The following AGBL4 variants were observed in gnomAD, a reference collection of about 807,000 sequenced individuals.
AGBL4 encodes the protein cytosolic carboxypeptidase 6.
Under a neutral mutation model 66.4 loss-of-function variants are expected in AGBL4, and 58 were observed. That is an observed-to-expected ratio of 0.87 (90% CI 0.71 to 1.09). The LOEUF (loss-of-function observed/expected upper bound fraction) is 1.09, where lower values mean the gene tolerates loss of function less well. AGBL4 is among the 50% of genes least tolerant of loss of function. The pLI, the probability that AGBL4 is intolerant of heterozygous loss-of-function variation, is 0.00. For missense variants in AGBL4, 579 were observed against 631.0 expected, an observed-to-expected ratio of 0.92 and a Z score of 0.88; for synonymous variants, 234 against 222.9, an observed-to-expected ratio of 1.05 and a Z score of -0.44.
At chr1:50,010,007 A>G (rs2148434536) in intron 1 of AGBL4, among the ~76,000 whole-genome samples, 1 of 152,262 alleles carries the variant, frequency 6.6e-6, no homozygotes, top group East Asian at 1.9e-4. Context: ...AGAGGACGTC[A>G]AAAAATAAAA....
intron 2 of AGBL4, among the ~76,000 whole-genome samples, chr1:49,814,329 T>C (rs1468585950): frequency 6.6e-6 from 1 of 152,094 alleles, no homozygotes; most frequent in African/African-American, 2.4e-5. Flanking sequence ...GAGTAGCGTA[T>C]TTAAGGAACA....
rs545849278 is a variant in AGBL4 at position 49,819,063 on chromosome 1, G to A, written c.157+32333C>T. Among the ~76,000 whole-genome samples, 4 of 152,050 alleles carry A rather than the reference G, an allele frequency of 2.6e-5. No homozygotes were observed. The South Asian group carries it at 8.3e-4, about 32-fold the overall frequency. ...TTAGAAAAATAGTGCCTATTTCATGGGATTCTTAGGAGAATTAGAGATAAA... is the reference window on the plus strand; with the variant it reads ...TTAGAAAAATAGTGCCTATTTCATGAGATTCTTAGGAGAATTAGAGATAAA... On this transcript the variant is annotated intron_variant, in intron 2 of 13. Transcript: ENST00000371839.
At chr1:49,694,500 A>G (rs1030517493) in intron 3 of AGBL4, among the ~76,000 whole-genome samples, 1 of 152,280 alleles carries the variant, frequency 6.6e-6, no homozygotes, top group South Asian at 2.1e-4. Flanking sequence ...CATGTTCATG[A>G]TTTCTAATTG....
At chr1:49,206,367 C>T (rs355205) in intron 4 of AGBL4, among the ~76,000 whole-genome samples, 47,673 of 151,876 alleles carry the variant, frequency 0.31, 8,217 homozygotes, top group East Asian at 0.72. Context: ...CTGGGATGGC[C>T]CTATAAAGGG....
intron 4 of AGBL4, among the ~76,000 whole-genome samples, chr1:49,121,155 C>T (rs1329857659): frequency 6.6e-6 from 1 of 152,154 alleles, no homozygotes; most frequent in Non-Finnish European, 1.5e-5. Context: ...TTCGAACATG[C>T]TCCTTTAGCT....
At chr1:49,851,659 G>GA in intron 1 of AGBL4, 141 bp from the exon 2 acceptor site, 4 of 751,446 alleles carry the variant, frequency 5.3e-6, no homozygotes, top group South Asian at 5.3e-5. Context: ...GTGGTACAGT[G>GA]AAAAAAGGCT....
chr1:48,883,217 A>G (rs540135635), intron 5 of AGBL4, among the ~76,000 whole-genome samples: 15 of 152,290 alleles, frequency 9.8e-5, no homozygotes, highest in African/African-American at 3.4e-4. Flanking sequence ...GGCTGTGCCA[A>G]CTTGCATTCC....
At chr1:49,966,682 T>A (rs558809099) in intron 1 of AGBL4, among the ~76,000 whole-genome samples, 1 of 152,206 alleles carries the variant, frequency 6.6e-6, no homozygotes, top group Non-Finnish European at 1.5e-5. Context: ...ATACAGTGTA[T>A]CTATATCATT....
intron 3 of AGBL4, among the ~76,000 whole-genome samples, chr1:49,569,372 T>C (rs1364826062): frequency 1.3e-5 from 2 of 152,136 alleles, no homozygotes; most frequent in African/African-American, 4.8e-5. Context: ...AGAGTGTTAC[T>C]GGATTGTTTG....
rs1319940087 is a variant in AGBL4, at chr1:48,791,546, A to C, written c.634+75645T>G. 2.0e-5 allele frequency among the ~76,000 whole-genome samples: 3 copies of C among 152,232 alleles called. No individual in the cohort carries two copies. In the East Asian group the frequency reaches 5.8e-4, roughly 29 times the overall value. On this transcript the variant is annotated intron_variant, in intron 6 of 13. Coordinates refer to ENST00000371839, the MANE Select transcript of AGBL4 (RefSeq NM_032785.4). ...AGCATAGCTGAGGTAGTCTGAACTT[A>C]CAAAGAGACTTTACTGAAACAGAGG...
chr1:48,583,586 G>A (rs907185962), intron 11 of AGBL4, among the ~76,000 whole-genome samples: 1 of 152,194 alleles, frequency 6.6e-6, no homozygotes, highest in East Asian at 1.9e-4. Context: ...TTAGACAAGT[G>A]TGAAGGTCCT....
chr1:48,694,604 A>G (rs1468844180), intron 6 of AGBL4, among the ~76,000 whole-genome samples: 1 of 152,066 alleles, frequency 6.6e-6, no homozygotes, highest in African/African-American at 2.4e-5. Flanking sequence ...TGAGACTAAC[A>G]GTTTTCCTCT....
At chr1:48,909,235 GT>G (rs1652877419) in intron 5 of AGBL4, among the ~76,000 whole-genome samples, 1 of 152,282 alleles carries the variant, frequency 6.6e-6, no homozygotes, top group Non-Finnish European at 1.5e-5. Flanking sequence ...TAATGCATAT[GT>G]TTGTAATGAT....
chr1:49,730,809 C>CCAG (rs1167806817), intron 2 of AGBL4, among the ~76,000 whole-genome samples: 1 of 152,180 alleles, frequency 6.6e-6, no homozygotes, highest in African/African-American at 2.4e-5. Flanking sequence ...CATCATCCAC[C>CCAG]CCGTGGAGAT....
At chr1:49,569,052 A>G (rs1430527632) in intron 3 of AGBL4, among the ~76,000 whole-genome samples, 1 of 152,252 alleles carries the variant, frequency 6.6e-6, no homozygotes, top group East Asian at 1.9e-4. Context: ...TCAGCCATGA[A>G]AGAGAATGAA....
rs367829345 is a variant in AGBL4, at chr1:49,965,932, T to C, written c.34+57831A>G. Among the ~76,000 whole-genome samples the C allele has an allele frequency of 2.4e-4, 37 of 151,650 alleles. 1 individual carries two copies. Among genetic ancestry groups the C allele is most frequent in the Non-Finnish European group, 2.9e-5 (2 of 67,906 alleles). On this transcript the variant is annotated intron_variant, in intron 1 of 13. Coordinates refer to ENST00000371839, the MANE Select transcript of AGBL4 (RefSeq NM_032785.4). The stretch of plus-strand genomic sequence containing the variant: ...TTCAACCAGAGCCCCATTAGTCTAT[T>C]ACAATGATTTTTTTTTTTTTTTTTT...
intron 9 of AGBL4, among the ~76,000 whole-genome samples, chr1:48,608,333 A>T (rs769590682): frequency 1.3e-5 from 2 of 152,240 alleles, no homozygotes; most frequent in Admixed American, 1.3e-4. Context: ...ACTGTAAAGA[A>T]GAAGGGATCT....
intron 2 of AGBL4, among the ~76,000 whole-genome samples, chr1:49,813,509 C>A (rs74527747): frequency 3.1e-4 from 47 of 152,098 alleles, no homozygotes; most frequent in Admixed American, 2.2e-3. Context: ...CATGGCCACT[C>A]CCTCCTTGGT....
chr1:48,603,774 GA>G (rs1474848210), intron 9 of AGBL4, among the ~76,000 whole-genome samples: 1 of 151,992 alleles, frequency 6.6e-6, no homozygotes, highest in Non-Finnish European at 1.5e-5. Flanking sequence ...ATCCAAGTGA[GA>G]ACTAATTTAA....
Sources: allele counts gnomAD v4.1 joint callset (sites outside exome capture counted in the v4.1 genomes callset), GRCh38; gene constraint gnomAD v4.1.1; transcripts MANE v1.5; gene names NCBI Gene and HGNC (gene_info 2026-07-23, HGNC 2026-07-21).